Variants in PHF7 observed in about 807,000 individuals in gnomAD.
PHF7 encodes the protein E3 ubiquitin-protein ligase PHF7.
Under a neutral mutation model 47.5 loss-of-function variants are expected in PHF7, and 24 were observed. The ratio of observed to expected loss-of-function variants is 0.51; its 90% CI spans 0.37 to 0.71. PHF7 has a LOEUF of 0.71. Among genes scored for constraint, PHF7 ranks in the 30% least tolerant of loss-of-function variants. PHF7 has a pLI of 0.00. For synonymous variants in PHF7, 156 were observed against 153.8 expected, an observed-to-expected ratio of 1.01 and a Z score of -0.11; for missense variants, 361 against 456.8, an observed-to-expected ratio of 0.79 and a Z score of 1.91.
At position 52,420,672 on chromosome 3, in the gene PHF7, T is replaced by C. The variant is rs368596650; in HGVS notation, c.414-231T>C. 7.2e-5 allele frequency among the ~76,000 whole-genome samples: 11 copies of C among 152,292 alleles called. No individual in the cohort carries two copies. In the South Asian group the frequency reaches 1.2e-3, roughly 17 times the overall value. ...GGGTTCTTAGACAGCTGCTCAGCAC[T>C]AAGTGGGGCTTTCAGGAACGAGAGG... On this transcript the variant is annotated intron_variant, in intron 6 of 10. Coordinates refer to ENST00000327906, the MANE Select transcript of PHF7 (RefSeq NM_016483.7).
chr3:52,419,986 A>G, intron 5 of PHF7, 52 bp downstream of exon 5: 2 of 998,808 alleles, frequency 2.0e-6, no homozygotes, highest in Non-Finnish European at 3.0e-6. Flanking sequence ...TTCATACCTC[A>G]CCCATCATTC....
chr3:52,414,080 T>C, intron 3 of PHF7, 32 bp downstream of exon 3: 1 of 1,541,504 alleles, frequency 6.5e-7, no homozygotes, highest in South Asian at 1.1e-5. Context: ...GTTCGCCCAC[T>C]GCCTCCAGCC....
intron 7 of PHF7, 120 bp from the exon 8 acceptor site, chr3:52,421,527 CT>C: frequency 1.4e-6 from 1 of 696,154 alleles, no homozygotes; most frequent in Admixed American, 2.3e-5. Context: ...ACCCAAACTC[CT>C]TTTCCTGTAC....
At chr3:52,417,447 G>A (rs1398514006) in intron 4 of PHF7, among the ~76,000 whole-genome samples, 1 of 152,114 alleles carries the variant, frequency 6.6e-6, no homozygotes, top group Non-Finnish European at 1.5e-5. Context: ...ACTTATTTGG[G>A]TCTTTTAAAA....
At chr3:52,421,114 C>G (rs771094529) in intron 7 of PHF7, 52 bp downstream of exon 7, 2 of 1,488,382 alleles carry the variant, frequency 1.3e-6, no homozygotes, top group East Asian at 2.3e-5. Context: ...AGTTCTCTGC[C>G]TGGAACCAGA....
At chr3:52,418,180 T>C (rs1454136365) in intron 4 of PHF7, among the ~76,000 whole-genome samples, 3 of 152,216 alleles carry the variant, frequency 2.0e-5, no homozygotes, top group Non-Finnish European at 2.9e-5. Context: ...TCTGTTTTGA[T>C]TTTTATATCT....
chr3:52,422,648 A>G (rs112275798), intron 9 of PHF7, 112 bp from the exon 10 acceptor site: 6 of 1,130,226 alleles, frequency 5.3e-6, no homozygotes, highest in Middle Eastern at 2.0e-4. Flanking sequence ...TGAGCCATAC[A>G]TTCATCTTGG....
intron 4 of PHF7, among the ~76,000 whole-genome samples, chr3:52,416,907 C>T (rs1705643809): frequency 6.6e-6 from 1 of 150,846 alleles, no homozygotes; most frequent in Non-Finnish European, 1.5e-5. Flanking sequence ...GATACAAATT[C>T]TTTTTCAAAT....
intron 4 of PHF7, among the ~76,000 whole-genome samples, chr3:52,417,816 G>A (rs939994244): frequency 1.3e-5 from 2 of 152,138 alleles, no homozygotes; most frequent in African/African-American, 2.4e-5. Context: ...ACCTAACATT[G>A]AATAGAAGTG....
At chr3:52,413,880 C>T in intron 2 of PHF7, 116 bp from the exon 3 acceptor site, 2 of 719,630 alleles carry the variant, frequency 2.8e-6, no homozygotes, top group Admixed American at 2.2e-5. Flanking sequence ...ATGTCTTAGG[C>T]TTTAGATATG....
At chr3:52,422,409 T>C (rs1386555801) in intron 9 of PHF7, 71 bp downstream of exon 9, 2 of 1,000,304 alleles carry the variant, frequency 2.0e-6, no homozygotes, top group Non-Finnish European at 1.6e-6. Flanking sequence ...GGCACAGTTA[T>C]TAGAAGTAAG....
At chr3:52,421,334 C>T (rs1374720142) in intron 7 of PHF7, among the ~76,000 whole-genome samples, 2 of 152,324 alleles carry the variant, frequency 1.3e-5, no homozygotes, top group East Asian at 3.9e-4. Context: ...GCTGAGAAGC[C>T]TCTATGTCAG....
rs774389465 is a variant in PHF7, at chr3:52,420,859, A to G, written c.414-44A>G. The G allele has an allele frequency of 7.0e-6, 11 of 1,565,516 alleles. No homozygotes were observed. The African/African-American group carries it at 1.4e-4, about 19-fold the overall frequency. On this transcript the variant is annotated intron_variant, in intron 6 of 10. Coordinates refer to ENST00000327906, the MANE Select transcript of PHF7 (RefSeq NM_016483.7). ...TCCTAGAGCGGGCCATTGGGAAACT[A>G]CATCAATGACAAACCAGAAACCAAG...
intron 1 of PHF7, among the ~76,000 whole-genome samples, chr3:52,412,279 T>C (rs1056424445): frequency 4.6e-5 from 7 of 152,144 alleles, no homozygotes; most frequent in African/African-American, 1.7e-4. Context: ...GAGTTCTTGC[T>C]TTTAGGCAGC....
intron 5 of PHF7, 117 bp from the exon 6 acceptor site, chr3:52,420,194 C>T: frequency 3.4e-6 from 4 of 1,175,676 alleles, no homozygotes; most frequent in Non-Finnish European, 5.1e-6. Flanking sequence ...TTCAGGACCA[C>T]TGAAGATAGG....
chr3:52,416,085 T>C (rs1040594117), intron 4 of PHF7, among the ~76,000 whole-genome samples: 3 of 152,204 alleles, frequency 2.0e-5, no homozygotes, highest in African/African-American at 7.2e-5. Flanking sequence ...TTCTACTGGG[T>C]GTGTATTGGT....
At position 52,422,800 on chromosome 3, in the gene PHF7, G is replaced by A. The variant is rs1319956306; in HGVS notation, c.838G>A (p.Gly280Arg). 3.7e-6 allele frequency: 6 copies of A among 1,613,984 alleles called. No individual in the cohort carries two copies. The highest frequency in any genetic ancestry group is 1.1e-5 in the South Asian group (1 of 91,064). The change falls in exon 10 of 11, where the codon GGA becomes AGA. Residue 280 changes from glycine to arginine, a missense_variant. Transcript: ENST00000327906. Reference protein sequence around the residue: ...LILCATCGSHGTHRDCSSLRS... With the variant: ...LILCATCGSHRTHRDCSSLRS... ...TCTGTGTGCTACATGCGGATCCCACGGAACCCACAGGGACTGCTCCTCTCT... is the reference window on the plus strand; with the variant it reads ...TCTGTGTGCTACATGCGGATCCCACAGAACCCACAGGGACTGCTCCTCTCT...
intron 4 of PHF7, 92 bp downstream of exon 4, chr3:52,414,679 GT>G: frequency 1.4e-6 from 1 of 711,428 alleles, no homozygotes; most frequent in Admixed American, 2.9e-5. Context: ...CCACAGCCTT[GT>G]TTTTTTATTT....
chr3:52,412,992 C>T, intron 2 of PHF7, 72 bp downstream of exon 2: 1 of 1,204,520 alleles, frequency 8.3e-7, no homozygotes, highest in South Asian at 1.2e-5. Context: ...CACTTTTTGC[C>T]CCCTTTGTCG....
Sources: allele counts gnomAD v4.1 joint callset (sites outside exome capture counted in the v4.1 genomes callset), GRCh38; gene constraint gnomAD v4.1.1; transcripts MANE v1.5; gene names NCBI Gene and HGNC (gene_info 2026-07-23, HGNC 2026-07-21).